Variants in MDGA2 observed in about 807,000 individuals in gnomAD.
MDGA2 encodes the protein MAM domain-containing glycosylphosphatidylinositol anchor protein 2.
A neutral mutation model predicts 117.8 loss-of-function variants in MDGA2; 40 were observed. The observed-to-expected ratio is 0.34, with a 90% CI of 0.26 to 0.44. MDGA2 has a LOEUF of 0.44. MDGA2 is among the 20% of genes least tolerant of loss of function. The pLI is 1.00. For synonymous variants in MDGA2, 452 were observed against 439.0 expected (o/e 1.03, Z -0.37); for missense variants, 1,123 against 1,250.6 (o/e 0.90, Z 1.54).
At chr14:47,209,995 T>C (rs1485610528) in intron 3 of MDGA2, among the ~76,000 whole-genome samples, 1 of 152,190 alleles carries the variant, frequency 6.6e-6, no homozygotes, top group Non-Finnish European at 1.5e-5. Context: ...TCTAGCCCTT[T>C]TCCTAAACTT....
chr14:47,666,615 G>A (rs878865581), intron 1 of MDGA2, among the ~76,000 whole-genome samples: 16 of 152,092 alleles, frequency 1.1e-4, no homozygotes, highest in African/African-American at 2.4e-4. Context: ...CAGACCAATC[G>A]GCTCTCTGTA....
chr14:47,319,068 T>C (rs573573906), intron 1 of MDGA2, among the ~76,000 whole-genome samples: 4 of 152,342 alleles, frequency 2.6e-5, no homozygotes, highest in Admixed American at 2.6e-4. Context: ...TGGTAACTTT[T>C]ACATATAAAA....
At chr14:47,092,584 A>G (rs1293970910) in intron 6 of MDGA2, among the ~76,000 whole-genome samples, 1 of 152,156 alleles carries the variant, frequency 6.6e-6, no homozygotes, top group Non-Finnish European at 1.5e-5. Context: ...TTTCATCTCA[A>G]TCATACTGAG....
At chr14:47,491,049 G>A (rs1894158959) in intron 1 of MDGA2, among the ~76,000 whole-genome samples, 1 of 152,014 alleles carries the variant, frequency 6.6e-6, no homozygotes, top group African/African-American at 2.4e-5. Flanking sequence ...AACAGATAGA[G>A]GATTAGATAG....
chr14:47,603,273 C>T (rs1183919110), intron 1 of MDGA2, among the ~76,000 whole-genome samples: 1 of 152,120 alleles, frequency 6.6e-6, no homozygotes, highest in East Asian at 1.9e-4. Context: ...ATAATCCTTT[C>T]TTAGTCATTA....
chr14:46,974,385 T>G (rs182467837), intron 8 of MDGA2, among the ~76,000 whole-genome samples: 1 of 152,162 alleles, frequency 6.6e-6, no homozygotes, highest in East Asian at 1.9e-4. Flanking sequence ...CATTCTAAAA[T>G]TCATATGAAT....
At chr14:46,923,319 A>G (rs1293581043) in intron 9 of MDGA2, among the ~76,000 whole-genome samples, 1 of 152,152 alleles carries the variant, frequency 6.6e-6, no homozygotes, top group Non-Finnish European at 1.5e-5. Context: ...ATGGAGCATT[A>G]GATTAGAAAA....
At chr14:47,468,127 T>C (rs1893641861) in intron 1 of MDGA2, among the ~76,000 whole-genome samples, 1 of 152,092 alleles carries the variant, frequency 6.6e-6, no homozygotes, top group African/African-American at 2.4e-5. Flanking sequence ...ATCAGTACAG[T>C]GTTGCAATCC....
intron 1 of MDGA2, among the ~76,000 whole-genome samples, chr14:47,348,167 A>ATG (rs56850503): frequency 0.2 from 28,739 of 143,218 alleles, 2,826 homozygotes; most frequent in South Asian, 0.31. Flanking sequence ...CTCTCTGTAT[A>ATG]TGTGTGTGTG....
intron 6 of MDGA2, among the ~76,000 whole-genome samples, chr14:47,064,549 T>C (rs967003102): frequency 6.6e-6 from 1 of 152,102 alleles, no homozygotes; most frequent in Non-Finnish European, 1.5e-5. Flanking sequence ...CTCTGTAAAC[T>C]AGGTCTGGGT....
At chr14:46,912,931 A>G (rs533572197) in intron 10 of MDGA2, among the ~76,000 whole-genome samples, 3 of 152,156 alleles carry the variant, frequency 2.0e-5, no homozygotes, top group Non-Finnish European at 4.4e-5. Context: ...TTCACTTTTT[A>G]CAACTGACAT....
chr14:46,844,780 A>T lies in MDGA2; in HGVS notation c.2989+986T>A, dbSNP rs114095763. 4.5e-3 allele frequency among the ~76,000 whole-genome samples: 691 copies of T among 152,236 alleles called. 6 individuals are homozygous for T. Among genetic ancestry groups the T allele is most frequent in the African/African-American group, 0.015 (630 of 41,550 alleles). On this transcript the variant is annotated intron_variant, in intron 16 of 16. Transcript: ENST00000399232. Reference sequence around the variant, plus strand: ...ATAATCCGCATAATCCCCATGTTTCAAGTGAGAGACCAGGTGGAGGTAACT... The same window carrying T: ...ATAATCCGCATAATCCCCATGTTTCTAGTGAGAGACCAGGTGGAGGTAACT...
rs1385055675 is a variant in MDGA2 at position 47,561,166 on chromosome 14, TTTTTG to T, written c.280+113346_280+113350del. ...GTTTTTTTTTTTGTTTTGTTTTGTT[TTTTTG>T]TTTGTTTGTTTTTTTTTGCTTAGGA... On this transcript the variant is annotated intron_variant, in intron 1 of 16. Coordinates refer to ENST00000399232, the MANE Select transcript of MDGA2 (RefSeq NM_001113498.3). 2.7e-5 allele frequency among the ~76,000 whole-genome samples: 3 copies of T among 110,734 alleles called. 1 individual carries two copies. The highest frequency in any genetic ancestry group is 9.9e-4 in the South Asian group (2 of 2,020). 72.6% of individuals were successfully genotyped at this position (110,734 alleles called of 152,430 possible). A position where few individuals can be genotyped will look rare whatever the true frequency, so the allele number is the denominator to read the frequency against.
intron 8 of MDGA2, among the ~76,000 whole-genome samples, chr14:46,978,720 A>G (rs1357863613): frequency 6.6e-6 from 1 of 152,118 alleles, no homozygotes; most frequent in South Asian, 2.1e-4. Flanking sequence ...AGACACATTG[A>G]GAAAATACTA....
intron 15 of MDGA2, among the ~76,000 whole-genome samples, chr14:46,853,548 T>G (rs1450065119): frequency 1.3e-5 from 2 of 151,724 alleles, no homozygotes; most frequent in African/African-American, 4.8e-5. Context: ...AAGAATAAAT[T>G]TAAGGCTATC....
At chr14:46,883,763 G>A (rs1018979086) in intron 10 of MDGA2, among the ~76,000 whole-genome samples, 3 of 151,904 alleles carry the variant, frequency 2.0e-5, no homozygotes, top group African/African-American at 7.2e-5. Context: ...GTAATCCACA[G>A]CTTTGTTTGC....
chr14:47,618,025 A>T (rs1413195387), intron 1 of MDGA2, among the ~76,000 whole-genome samples: 1 of 152,206 alleles, frequency 6.6e-6, no homozygotes, highest in Admixed American at 6.5e-5. Flanking sequence ...CTGGTTTTGC[A>T]TCTCTTAGCT....
At chr14:47,204,123 A>G (rs919836652) in intron 3 of MDGA2, among the ~76,000 whole-genome samples, 1 of 152,048 alleles carries the variant, frequency 6.6e-6, no homozygotes, top group Admixed American at 6.6e-5. Context: ...TTAATTTTTT[A>G]TGCATACTAA....
At chr14:47,021,787 T>C (rs1053587340) in intron 8 of MDGA2, among the ~76,000 whole-genome samples, 1 of 152,156 alleles carries the variant, frequency 6.6e-6, no homozygotes, top group Non-Finnish European at 1.5e-5. Context: ...GAAAATTTGA[T>C]GGTAGAAACA....
Sources: gnomAD v4.1 joint callset for allele counts (sites outside exome capture counted in the v4.1 genomes callset) on GRCh38, gnomAD v4.1.1 for gene constraint, MANE v1.5 for transcripts, NCBI Gene and HGNC (gene_info 2026-07-23, HGNC 2026-07-21) for gene names.